The following CYB5R4 variants were observed in gnomAD, a reference collection of about 807,000 sequenced individuals.
CYB5R4 encodes the protein N-terminal cytochrome b5 and cytochrome b5 oxidoreductase domain-containing protein.
Under a neutral mutation model 70.2 loss-of-function variants are expected in CYB5R4, and 55 were observed. The ratio of observed to expected loss-of-function variants is 0.78; its 90% confidence interval spans 0.63 to 0.98. CYB5R4 has a LOEUF of 0.98. Ranked by LOEUF, CYB5R4 falls within the 50% of genes least tolerant of loss-of-function variation. CYB5R4 has a pLI of 0.00. For missense variants in CYB5R4, 562 were observed against 612.6 expected, an observed-to-expected ratio of 0.92 and a Z score of 0.87; for synonymous variants, 197 against 199.5, an observed-to-expected ratio of 0.99 and a Z score of 0.11.
chr6:83,862,788 G>A (rs2099456172), intron 1 of CYB5R4, among the ~76,000 whole-genome samples: 1 of 152,148 alleles, frequency 6.6e-6, no homozygotes, highest in African/African-American at 2.4e-5. Flanking sequence ...AGAGAGGTGA[G>A]TGATTTTAGT....
At chr6:83,914,951 T>C (rs1336178881) in intron 5 of CYB5R4, among the ~76,000 whole-genome samples, 1 of 152,124 alleles carries the variant, frequency 6.6e-6, no homozygotes, top group Non-Finnish European at 1.5e-5. Flanking sequence ...CGTCGTGCCT[T>C]CTGTGACATC....
At position 83,910,217 on chromosome 6, in the gene CYB5R4, G is replaced by A. The variant is rs1011579841; in HGVS notation, c.412+1127G>A. On this transcript the variant is annotated intron_variant, in intron 4 of 15. Transcript: ENST00000369681. ...TGAATGGGCTGCCTGCCAGTTGGAA[G>A]TTCAACTTTTGTAAAGTCAGTCAAA... 4.4e-6 allele frequency: 6 copies of A among 1,355,690 alleles called. No individual in the cohort carries two copies. The African/African-American group carries it at 7.4e-5, about 17-fold the overall frequency. The allele number at this position is 1,355,690 out of a possible 1,614,324, so 84.0% of individuals were successfully genotyped here.
At chr6:83,946,645 A>G (rs894832141) in intron 14 of CYB5R4, among the ~76,000 whole-genome samples, 1 of 152,332 alleles carries the variant, frequency 6.6e-6, no homozygotes, top group Non-Finnish European at 1.5e-5. Context: ...CTGTTTCCAG[A>G]TGACATGATT....
intron 15 of CYB5R4, among the ~76,000 whole-genome samples, chr6:83,957,561 G>T (rs868042847): frequency 7.0e-6 from 1 of 142,938 alleles, no homozygotes; most frequent in African/African-American, 2.8e-5. Context: ...GCGGAGGTTG[G>T]CAATGAGCCA....
intron 2 of CYB5R4, among the ~76,000 whole-genome samples, chr6:83,887,262 T>C (rs991620029): frequency 2.6e-5 from 4 of 152,200 alleles, no homozygotes; most frequent in African/African-American, 9.6e-5. Context: ...ATTATAGAGA[T>C]AAAGCCTGTG....
At chr6:83,863,929 A>G (rs1288270122) in intron 1 of CYB5R4, among the ~76,000 whole-genome samples, 1 of 152,176 alleles carries the variant, frequency 6.6e-6, no homozygotes, top group East Asian at 1.9e-4. Flanking sequence ...GGTAGGGGGA[A>G]GTCCTAGGAC....
intron 15 of CYB5R4, 147 bp downstream of exon 15, chr6:83,955,609 G>A (rs958141133): frequency 2.0e-4 from 155 of 794,174 alleles, no homozygotes; most frequent in Non-Finnish European, 2.7e-4. Context: ...TTAAATCTTC[G>A]TATAGTTTGA....
At chr6:83,922,905 C>G (rs1467568399) in intron 9 of CYB5R4, among the ~76,000 whole-genome samples, 1 of 152,110 alleles carries the variant, frequency 6.6e-6, no homozygotes, top group Non-Finnish European at 1.5e-5. Context: ...CCTCCCGTCT[C>G]AGCCTCCTGA....
intron 5 of CYB5R4, among the ~76,000 whole-genome samples, chr6:83,915,990 AC>A (rs2099465454): frequency 6.6e-6 from 1 of 151,880 alleles, no homozygotes; most frequent in African/African-American, 2.4e-5. Context: ...CTACACATTC[AC>A]CCCGTATTCT....
At chr6:83,953,308 A>G (rs916275302) in intron 14 of CYB5R4, among the ~76,000 whole-genome samples, 1 of 152,156 alleles carries the variant, frequency 6.6e-6, no homozygotes, top group Admixed American at 6.5e-5. Context: ...GAGGCATACT[A>G]GTGTTTCATT....
intron 14 of CYB5R4, among the ~76,000 whole-genome samples, chr6:83,946,802 T>G (rs1399083692): frequency 6.6e-6 from 1 of 152,020 alleles, no homozygotes; most frequent in Non-Finnish European, 1.5e-5. Flanking sequence ...ATGAGTGAAC[T>G]CCCATTCACA....
chr6:83,954,734 A>G (rs1053667582), intron 14 of CYB5R4, among the ~76,000 whole-genome samples: 1 of 151,786 alleles, frequency 6.6e-6, no homozygotes, highest in Non-Finnish European at 1.5e-5. Flanking sequence ...TTATATATTT[A>G]TTTTTAATTA....
chr6:83,897,056 C>T (rs1426601009), intron 3 of CYB5R4, among the ~76,000 whole-genome samples: 1 of 148,024 alleles, frequency 6.8e-6, no homozygotes, highest in African/African-American at 2.6e-5. Context: ...GCTATCCCTC[C>T]CCCGTCCCCC....
chr6:83,906,204 A>G (rs1219433644), intron 3 of CYB5R4, among the ~76,000 whole-genome samples: 1 of 152,176 alleles, frequency 6.6e-6, no homozygotes, highest in Admixed American at 6.5e-5. Context: ...TGAACGTACC[A>G]GCTGTTCTTC....
At chr6:83,919,500 A>C (rs773746844) in intron 7 of CYB5R4, 46 bp downstream of exon 7, 1 of 1,024,014 alleles carries the variant, frequency 9.8e-7, no homozygotes, top group Admixed American at 2.6e-5. Context: ...AATAAATGTT[A>C]ATTTATGTAC....
At chr6:83,860,048 C>T (rs1403146730) in intron 1 of CYB5R4, among the ~76,000 whole-genome samples, 191 bp downstream of exon 1, 1 of 152,204 alleles carries the variant, frequency 6.6e-6, no homozygotes, top group African/African-American at 2.4e-5. Flanking sequence ...TCCTCCCTTT[C>T]CCCTAGCAGT....
rs941189610 is a variant in CYB5R4 at position 83,921,231 on chromosome 6, A to G, written c.658+56A>G. ...GCTCTGGTTTTCTTTAAATATGGCA[A>G]TAACTTGGTCTACAGTCTAGGTAAC... is the stretch of plus-strand genomic sequence containing the variant. On this transcript the variant is annotated intron_variant, in intron 8 of 15. Coordinates refer to ENST00000369681, the MANE Select transcript of CYB5R4 (RefSeq NM_016230.4). The G allele has an allele frequency of 1.8e-5, 25 of 1,369,352 alleles. No homozygotes were observed. In the Admixed American group the frequency reaches 4.5e-4, roughly 25 times the overall value. The allele number at this position is 1,369,352 out of a possible 1,614,324, so 84.8% of individuals were successfully genotyped here. A position where few individuals can be genotyped will look rare whatever the true frequency, so the allele number is the denominator to read the frequency against.
At chr6:83,934,803 T>C in intron 11 of CYB5R4, 68 bp downstream of exon 11, 8 of 1,357,658 alleles carry the variant, frequency 5.9e-6, no homozygotes, top group Non-Finnish European at 7.0e-6. Flanking sequence ...AGTACTATTC[T>C]CTCTAGAAAA....
At chr6:83,940,322 C>T in intron 13 of CYB5R4, 116 bp downstream of exon 13, 1 of 1,141,630 alleles carries the variant, frequency 8.8e-7, no homozygotes, top group Non-Finnish European at 1.2e-6. Flanking sequence ...CCTCATTCAT[C>T]ATTTCTTACT....
Sources: gnomAD v4.1 joint callset for allele counts (sites outside exome capture counted in the v4.1 genomes callset) on GRCh38, gnomAD v4.1.1 for gene constraint, MANE v1.5 for transcripts, NCBI Gene and HGNC (gene_info 2026-07-23, HGNC 2026-07-21) for gene names.